GABRB1: variants seen among roughly 807,000 people sequenced by gnomAD.
GABRB1 encodes the protein gamma-aminobutyric acid type A receptor subunit beta1.
Under a neutral mutation model 51.6 loss-of-function variants are expected in GABRB1, and 17 were observed. That is an observed-to-expected ratio of 0.33 (90% CI 0.23 to 0.49). The LOEUF is 0.49. Ranked by LOEUF, GABRB1 falls within the 20% of genes least tolerant of loss-of-function variation. The probability of loss-of-function intolerance (pLI) is 0.99; values close to 1 mark genes in which losing one functional copy is unlikely to be tolerated. For synonymous variants in GABRB1, 247 were observed against 218.9 expected (o/e 1.13, Z -1.14); for missense variants, 410 against 600.6 (o/e 0.68, Z 3.32).
chr4:47,146,366 A>C (rs1368173625), intron 3 of GABRB1, among the ~76,000 whole-genome samples: 5 of 151,848 alleles, frequency 3.3e-5, no homozygotes, highest in Non-Finnish European at 7.4e-5. Flanking sequence ...TTTGTAGAGC[A>C]ACAGTAAGAG....
At chr4:47,057,992 A>C (rs1390215373) in intron 3 of GABRB1, among the ~76,000 whole-genome samples, 3 of 152,240 alleles carry the variant, frequency 2.0e-5, no homozygotes, top group Non-Finnish European at 4.4e-5. Context: ...TCTGAGCAAG[A>C]GACTGAAGTC....
At chr4:47,344,563 A>C (rs1038021565) in intron 5 of GABRB1, among the ~76,000 whole-genome samples, 35 of 152,184 alleles carry the variant, frequency 2.3e-4, no homozygotes, top group African/African-American at 7.7e-4. Flanking sequence ...TCTTTTTTAC[A>C]TGACCACCTA....
At chr4:47,257,904 C>G (rs928148787) in intron 4 of GABRB1, among the ~76,000 whole-genome samples, 4 of 151,874 alleles carry the variant, frequency 2.6e-5, no homozygotes, top group Non-Finnish European at 4.4e-5. Context: ...ACTGCCTCCC[C>G]CTTTCATCAG....
At chr4:47,142,576 G>C (rs1716978843) in intron 3 of GABRB1, among the ~76,000 whole-genome samples, 1 of 151,866 alleles carries the variant, frequency 6.6e-6, no homozygotes, top group Non-Finnish European at 1.5e-5. Flanking sequence ...CCAACCCGAT[G>C]TGAAAAATGA....
At chr4:47,343,038 G>A (rs1725960482) in intron 5 of GABRB1, among the ~76,000 whole-genome samples, 1 of 152,004 alleles carries the variant, frequency 6.6e-6, no homozygotes, top group African/African-American at 2.4e-5. Flanking sequence ...CCAAGTAGAG[G>A]CGAGTGTCAT....
chr4:47,399,350 A>C (rs1728302303), intron 5 of GABRB1, among the ~76,000 whole-genome samples: 1 of 152,188 alleles, frequency 6.6e-6, no homozygotes. Context: ...ATAATTTAGA[A>C]ATTTTCATTC....
chr4:47,400,546 C>CTCTCTCTCTCTCTCTCTT (rs10684391), intron 5 of GABRB1, among the ~76,000 whole-genome samples: 198 of 150,860 alleles, frequency 1.3e-3, no homozygotes, highest in African/African-American at 3.4e-3. Context: ...CTCTCTCTCT[C>CTCTCTCTCTCTCTCTCTT]TCTCTCTCAG....
chr4:47,085,229 A>G (rs149762436), intron 3 of GABRB1, among the ~76,000 whole-genome samples: 3 of 152,348 alleles, frequency 2.0e-5, no homozygotes, highest in African/African-American at 7.2e-5. Flanking sequence ...TAAAAGAAAA[A>G]GAGCACACCT....
In GABRB1 at chr4:47,227,103, G is replaced by A. The variant is rs569999367; in HGVS notation, c.461+65634G>A. On this transcript the variant is annotated intron_variant, in intron 4 of 8. Transcript: ENST00000295454. ...ACATCAAGTGCCTGAGAGGAATGCC[G>A]CAGGTGCCTTTTCCCTTCTCTGCTC... Among the ~76,000 whole-genome samples, 21 of 152,234 alleles carry A rather than the reference G, an allele frequency of 1.4e-4. No individual in the cohort carries two copies. In the South Asian group the frequency reaches 3.1e-3, roughly 23 times the overall value.
At chr4:47,241,409 G>A (rs1485831292) in intron 4 of GABRB1, among the ~76,000 whole-genome samples, 1 of 152,098 alleles carries the variant, frequency 6.6e-6, no homozygotes, top group Non-Finnish European at 1.5e-5. Flanking sequence ...CTTGTCATAT[G>A]ACTGAGGAAG....
rs1243375788 is a variant in GABRB1 at position 47,033,010 on chromosome 4, G to A, written c.240+526G>A. ...GGTTCAGGCACACCTGGTGGCAGGAGCAACAGGCTAAGACAACAGTCCATG... is the reference window on the plus strand; with the variant it reads ...GGTTCAGGCACACCTGGTGGCAGGAACAACAGGCTAAGACAACAGTCCATG... On this transcript the variant is annotated intron_variant, in intron 3 of 8. Transcript: ENST00000295454. The A allele has an allele frequency of 1.8e-5, 6 of 328,382 alleles. No individual in the cohort carries two copies. In the East Asian group the frequency reaches 4.6e-4, roughly 25 times the overall value. 20.3% of individuals were successfully genotyped at this position (328,382 alleles called of 1,614,324 possible).
chr4:47,392,631 C>G (rs61209646), intron 5 of GABRB1, among the ~76,000 whole-genome samples: 14,024 of 152,116 alleles, frequency 0.092, 694 homozygotes, highest in Non-Finnish European at 0.12. Flanking sequence ...CGTGAGCCAC[C>G]GTGCCCAGCC....
At chr4:47,222,087 G>A (rs1720789663) in intron 4 of GABRB1, among the ~76,000 whole-genome samples, 1 of 152,042 alleles carries the variant, frequency 6.6e-6, no homozygotes, top group Non-Finnish European at 1.5e-5. Context: ...TACTGCAAAT[G>A]TACATCTGTT....
chr4:47,094,476 G>A (rs1714296462), intron 3 of GABRB1, among the ~76,000 whole-genome samples: 2 of 151,864 alleles, frequency 1.3e-5, no homozygotes, highest in South Asian at 4.1e-4. Context: ...ACCCGCCTCG[G>A]CCTCCCAAAG....
At chr4:47,080,845 T>C (rs1321438076) in intron 3 of GABRB1, among the ~76,000 whole-genome samples, 2 of 152,206 alleles carry the variant, frequency 1.3e-5, no homozygotes, top group East Asian at 1.9e-4. Flanking sequence ...CCATCTCTAG[T>C]TGTATTTAAA....
At chr4:47,347,566 T>C (rs1189447533) in intron 5 of GABRB1, among the ~76,000 whole-genome samples, 1 of 152,090 alleles carries the variant, frequency 6.6e-6, no homozygotes, top group Non-Finnish European at 1.5e-5. Context: ...GCACAATCTC[T>C]GGCCTATGAT....
chr4:47,114,255 T>C (rs1715368388), intron 3 of GABRB1, among the ~76,000 whole-genome samples: 1 of 152,214 alleles, frequency 6.6e-6, no homozygotes. Flanking sequence ...GCACAGGTCA[T>C]CCTCAGAGTA....
chr4:47,181,476 G>A (rs1180901868), intron 4 of GABRB1, among the ~76,000 whole-genome samples: 2 of 152,002 alleles, frequency 1.3e-5, no homozygotes, highest in African/African-American at 4.8e-5. Context: ...TGGCAATAGA[G>A]CGAAGTGACA....
chr4:46,995,601 T>G (rs1723967860), intron 1 of GABRB1, among the ~76,000 whole-genome samples: 1 of 152,178 alleles, frequency 6.6e-6, no homozygotes, highest in Non-Finnish European at 1.5e-5. Flanking sequence ...TGGTCTCAAG[T>G]GATCCTCCTG....
Sources: allele counts gnomAD v4.1 joint callset (sites outside exome capture counted in the v4.1 genomes callset), GRCh38; gene constraint gnomAD v4.1.1; transcripts MANE v1.5; gene names NCBI Gene and HGNC (gene_info 2026-07-23, HGNC 2026-07-21).